The following DAO variants were observed in gnomAD, a reference collection of about 807,000 sequenced individuals.
DAO encodes D-amino acid oxidase, also known as D-amino-acid oxidase.
DAO carries 51 observed loss-of-function variants against 50.1 expected under a neutral mutation model. The ratio of observed to expected loss-of-function variants is 1.02; its 90% CI spans 0.81 to 1.29. The LOEUF (loss-of-function observed/expected upper bound fraction) is 1.29, where lower values mean the gene tolerates loss of function less well. Among genes scored for constraint, DAO ranks in the 50% most tolerant of loss-of-function variants. The pLI, the probability that DAO is intolerant of heterozygous loss-of-function variation, is 0.00. For synonymous variants in DAO, 160 were observed against 166.2 expected, an observed-to-expected ratio of 0.96 and a Z score of 0.29; for missense variants, 436 against 439.4, an observed-to-expected ratio of 0.99 and a Z score of 0.07.
At chr12:108,884,931 G>A in intron 1 of DAO, 67 bp from the exon 2 acceptor site, 1 of 1,468,436 alleles carries the variant, frequency 6.8e-7, no homozygotes, top group South Asian at 1.1e-5. Context: ...AGTGGATGGT[G>A]GCAATGGCGC....
At chr12:108,899,516 C>T in intron 10 of DAO, 41 bp downstream of exon 10, 1 of 1,513,928 alleles carries the variant, frequency 6.6e-7, no homozygotes, top group South Asian at 1.2e-5. Context: ...CTCTTCCACT[C>T]CTCAGATGGC....
intron 10 of DAO, chr12:108,899,832 A>G (rs1465915539): frequency 4.1e-5 from 15 of 361,694 alleles, no homozygotes; most frequent in Non-Finnish European, 6.3e-5. Context: ...CAGTGTTAAC[A>G]TGGCTGCACT....
At chr12:108,899,295 C>A in intron 9 of DAO, 82 bp from the exon 10 acceptor site, 1 of 947,806 alleles carries the variant, frequency 1.1e-6, no homozygotes, top group Non-Finnish European at 1.7e-6. Flanking sequence ...TGATGAGATT[C>A]TAAAAGCTAA....
intron 1 of DAO, among the ~76,000 whole-genome samples, chr12:108,883,291 C>T (rs1019513906): frequency 2.6e-5 from 4 of 152,284 alleles, no homozygotes; most frequent in Non-Finnish European, 4.4e-5. Context: ...GGATTACAGG[C>T]GCCTGCCACC....
At chr12:108,896,677 C>T (rs2039564180) in intron 7 of DAO, among the ~76,000 whole-genome samples, 1 of 152,050 alleles carries the variant, frequency 6.6e-6, no homozygotes, top group Non-Finnish European at 1.5e-5. Context: ...GCTCCTGGGG[C>T]CAAGAGGGGG....
At chr12:108,895,393 A>C (rs1311402398) in intron 7 of DAO, among the ~76,000 whole-genome samples, 1 of 124,488 alleles carries the variant, frequency 8.0e-6, no homozygotes, top group Non-Finnish European at 1.7e-5. Flanking sequence ...GTGTGTGCAC[A>C]TATGTGAGGG....
At chr12:108,895,288 G>T (rs1240839618) in intron 7 of DAO, among the ~76,000 whole-genome samples, 2 of 150,168 alleles carry the variant, frequency 1.3e-5, no homozygotes, top group Admixed American at 6.6e-5. Flanking sequence ...TGTATGTAAG[G>T]GTATGTGTGC....
At chr12:108,892,669 G>C (rs1159656071) in intron 5 of DAO, among the ~76,000 whole-genome samples, 1 of 152,098 alleles carries the variant, frequency 6.6e-6, no homozygotes, top group Non-Finnish European at 1.5e-5. Context: ...GAAGTGCTGG[G>C]GGCTAAGAGG....
intron 2 of DAO, among the ~76,000 whole-genome samples, chr12:108,886,911 G>C (rs1256628408): frequency 6.6e-6 from 1 of 152,214 alleles, no homozygotes; most frequent in Non-Finnish European, 1.5e-5. Flanking sequence ...ACATGGGCTG[G>C]TGACTGCAGA....
rs777599642 is a variant in DAO, at chr12:108,880,133, A to T, written c.-101A>T. On this transcript the variant is annotated 5_prime_UTR_variant, in exon 1 of 11. Transcript: ENST00000228476. ...TGGCGGACAGAGGGCTGGAAACAAGACGCTCCAGAATCAGGAGCTTCCCCT... is the reference window on the plus strand; with the variant it reads ...TGGCGGACAGAGGGCTGGAAACAAGTCGCTCCAGAATCAGGAGCTTCCCCT... The T allele has an allele frequency of 2.2e-6, 1 of 456,540 alleles. No homozygotes were observed. Among genetic ancestry groups the T allele is most frequent in the East Asian group, 6.9e-5 (1 of 14,394 alleles). 28.3% of individuals were successfully genotyped at this position (456,540 alleles called of 1,614,324 possible). A position where few individuals can be genotyped will look rare whatever the true frequency, so the allele number is the denominator to read the frequency against.
At chr12:108,887,719 AT>A (rs1202852597) in intron 3 of DAO, among the ~76,000 whole-genome samples, 155 bp downstream of exon 3, 2 of 152,060 alleles carry the variant, frequency 1.3e-5, no homozygotes, top group African/African-American at 4.8e-5. Context: ...TTTAAATTCT[AT>A]TTTTGCTTTG....
chr12:108,886,235 G>A (rs1348808507), intron 2 of DAO, among the ~76,000 whole-genome samples: 5 of 151,308 alleles, frequency 3.3e-5, no homozygotes, highest in African/African-American at 1.2e-4. Flanking sequence ...TGTTACCCGG[G>A]CTGGTCTTGA....
At chr12:108,889,982 A>G (rs777283107) in intron 4 of DAO, among the ~76,000 whole-genome samples, 32 of 151,958 alleles carry the variant, frequency 2.1e-4, no homozygotes, top group Non-Finnish European at 4.6e-4. Flanking sequence ...ACGAATGCAC[A>G]TTCAATCTCC....
In DAO at chr12:108,890,746, A is replaced by C. The variant is rs142767889; in HGVS notation, c.452+473A>C. Among the ~76,000 whole-genome samples the C allele has an allele frequency of 9.2e-5, 14 of 152,280 alleles. No homozygotes were observed. The East Asian group carries it at 2.7e-3, about 29-fold the overall frequency. ...GTTAATAGGAATCTTGCAGTGTTCT[A>C]AATTAGCAAACACTCACTTGAGAGA... On this transcript the variant is annotated intron_variant, in intron 5 of 10. Transcript: ENST00000228476.
chr12:108,900,345 C>CATCTAT, intron 10 of DAO, 59 bp from the exon 11 acceptor site: 2 of 1,595,992 alleles, frequency 1.3e-6, no homozygotes, highest in South Asian at 1.1e-5. Context: ...AGAAGAGCTT[C>CATCTAT]ATCTATTCTT....
In DAO at chr12:108,880,474, G is replaced by C. The variant is rs116684902; in HGVS notation, c.-10+250G>C. The C allele has an allele frequency of 1.8e-3, 492 of 277,222 alleles. 3 individuals carry two copies. The highest frequency in any genetic ancestry group is 0.01 in the African/African-American group (476 of 45,550). 17.2% of individuals were successfully genotyped at this position (277,222 alleles called of 1,614,324 possible). A position where few individuals can be genotyped will look rare whatever the true frequency, so the allele number is the denominator to read the frequency against. ...AACTCCCCTCTTACAGCGTGAGTCTGAGTGTTAAAAGAGGTGGTGCATGTA... is the reference window on the plus strand; with the variant it reads ...AACTCCCCTCTTACAGCGTGAGTCTCAGTGTTAAAAGAGGTGGTGCATGTA... On this transcript the variant is annotated intron_variant, in intron 1 of 10. Transcript: ENST00000228476.
intron 5 of DAO, among the ~76,000 whole-genome samples, chr12:108,891,449 CA>C (rs35572480): frequency 0.19 from 21,800 of 111,828 alleles, 3,810 homozygotes; most frequent in African/African-American, 0.51. Flanking sequence ...GACCCTGTCT[CA>C]AAAAAAAAAA....
intron 8 of DAO, among the ~76,000 whole-genome samples, chr12:108,897,496 C>G (rs1026760735): frequency 6.6e-6 from 1 of 150,632 alleles, no homozygotes; most frequent in African/African-American, 2.4e-5. Flanking sequence ...GGATTACAGG[C>G]GTGAGCCACC....
At chr12:108,895,637 A>AG (rs2039544970) in intron 7 of DAO, among the ~76,000 whole-genome samples, 1 of 98,386 alleles carries the variant, frequency 1.0e-5, no homozygotes, top group African/African-American at 4.1e-5. Context: ...CATGTGTGTG[A>AG]GGGTATGTGT....
Sources: gnomAD v4.1 joint callset for allele counts (sites outside exome capture counted in the v4.1 genomes callset) on GRCh38, gnomAD v4.1.1 for gene constraint, MANE v1.5 for transcripts, NCBI Gene and HGNC (gene_info 2026-07-23, HGNC 2026-07-21) for gene names.